MCTP2: variants seen among roughly 807,000 people sequenced by gnomAD.
The protein encoded by MCTP2 is multiple C2 and transmembrane domain-containing protein 2.
A neutral mutation model predicts 111.6 loss-of-function variants in MCTP2; 132 were observed. The observed-to-expected ratio is 1.18, with a 90% CI of 1.03 to 1.37. MCTP2 has a LOEUF of 1.37. Among genes scored for constraint, MCTP2 ranks in the 40% most tolerant of loss-of-function variants. The pLI is 0.00. For synonymous variants in MCTP2, 395 were observed against 387.7 expected (o/e 1.02, Z -0.22); for missense variants, 1,183 against 1,067.9 (o/e 1.11, Z -1.50).
intron 1 of MCTP2, among the ~76,000 whole-genome samples, chr15:94,288,361 C>G (rs892601862): frequency 1.6e-4 from 25 of 152,102 alleles, no homozygotes; most frequent in African/African-American, 5.6e-4. Flanking sequence ...TGGATCTGAT[C>G]CTTATTAGCG....
intron 4 of MCTP2, among the ~76,000 whole-genome samples, 190 bp downstream of exon 4, chr15:94,315,827 T>C (rs542410047): frequency 6.6e-6 from 1 of 152,336 alleles, no homozygotes; most frequent in East Asian, 1.9e-4. Context: ...ACTATCCTTC[T>C]TTATTATTAG....
At chr15:94,369,548 G>A (rs1319797496) in intron 11 of MCTP2, among the ~76,000 whole-genome samples, 1 of 152,258 alleles carries the variant, frequency 6.6e-6, no homozygotes, top group East Asian at 1.9e-4. Context: ...ATCTAGGGTG[G>A]TACTAGATAC....
chr15:94,246,159 A>T (rs1007568614), intron 1 of MCTP2, among the ~76,000 whole-genome samples: 3 of 152,102 alleles, frequency 2.0e-5, no homozygotes, highest in Non-Finnish European at 4.4e-5. Flanking sequence ...ACCCTTTGCA[A>T]TGCTACACAT....
intron 17 of MCTP2, among the ~76,000 whole-genome samples, chr15:94,413,543 A>G (rs182391937): frequency 9.5e-4 from 143 of 149,944 alleles, no homozygotes; most frequent in African/African-American, 3.2e-3. Context: ...CTTGGGTGTG[A>G]CATGGCTTGC....
rs1172894896 is a variant in MCTP2 at position 94,480,606 on chromosome 15, A to G, written c.*1572A>G. The stretch of plus-strand genomic sequence containing the variant: ...ACCTCTTTTGTTAAACCAGTTACTC[A>G]ATCTTCTGTGTAAACAATGCCTCAT... On this transcript the variant is annotated 3_prime_UTR_variant, in exon 23 of 23. Coordinates refer to ENST00000357742, the MANE Select transcript of MCTP2 (RefSeq NM_001385001.1). 6.6e-6 allele frequency: 1 copy of G among 152,236 alleles called. No individual in the cohort carries two copies. The highest frequency in any genetic ancestry group is 2.4e-5 in the African/African-American group (1 of 41,460). 9.4% of individuals were successfully genotyped at this position (152,236 alleles called of 1,614,324 possible).
intron 7 of MCTP2, among the ~76,000 whole-genome samples, chr15:94,344,635 T>C (rs1481860888): frequency 6.6e-6 from 1 of 152,228 alleles, no homozygotes; most frequent in Non-Finnish European, 1.5e-5. Context: ...AATTATGCAA[T>C]AATTATTCAT....
At chr15:94,343,470 C>T (rs2077776452) in intron 7 of MCTP2, 1 of 151,976 alleles carries the variant, frequency 6.6e-6, no homozygotes, top group Non-Finnish European at 1.5e-5. Context: ...GCCTTTGTTG[C>T]TTTAGAACCA....
chr15:94,302,769 G>A (rs987057905), intron 2 of MCTP2, among the ~76,000 whole-genome samples: 1 of 152,120 alleles, frequency 6.6e-6, no homozygotes, highest in African/African-American at 2.4e-5. Flanking sequence ...TACTTTCCCT[G>A]CTTTTCATGT....
chr15:94,415,324 C>T (rs780390541), intron 17 of MCTP2, among the ~76,000 whole-genome samples: 1 of 152,032 alleles, frequency 6.6e-6, no homozygotes, highest in Non-Finnish European at 1.5e-5. Flanking sequence ...GTAACCTAGA[C>T]GGTGTCAAAG....
At chr15:94,452,350 A>G (rs920284803) in intron 19 of MCTP2, among the ~76,000 whole-genome samples, 7 of 152,220 alleles carry the variant, frequency 4.6e-5, no homozygotes, top group Non-Finnish European at 8.8e-5. Context: ...TAGAGGTACA[A>G]TGCAAATTGA....
chr15:94,240,253 A>G (rs1011620564), intron 1 of MCTP2, among the ~76,000 whole-genome samples: 4 of 152,252 alleles, frequency 2.6e-5, no homozygotes, highest in African/African-American at 9.6e-5. Context: ...GATAGGAATC[A>G]TCTCCATTTT....
intron 14 of MCTP2, among the ~76,000 whole-genome samples, chr15:94,390,094 A>G (rs1215326091): frequency 0.015 from 176 of 12,006 alleles, 3 homozygotes; most frequent in African/African-American, 0.035. Flanking sequence ...ATATATGTAT[A>G]TATATATATA....
intron 1 of MCTP2, among the ~76,000 whole-genome samples, chr15:94,245,921 C>T (rs1245197051): frequency 6.6e-6 from 1 of 151,978 alleles, no homozygotes; most frequent in Non-Finnish European, 1.5e-5. Context: ...AAAAACTTGT[C>T]TCCCTGGAGT....
chr15:94,291,747 T>C (rs903322902), intron 1 of MCTP2, among the ~76,000 whole-genome samples: 4 of 152,216 alleles, frequency 2.6e-5, no homozygotes, highest in Non-Finnish European at 4.4e-5. Flanking sequence ...GCAGCTAATA[T>C]GTAGCCTTAA....
At position 94,365,673 on chromosome 15, in the gene MCTP2, G is replaced by A. The variant is rs180879342; in HGVS notation, c.1302-1932G>A. 1.7e-3 allele frequency among the ~76,000 whole-genome samples: 261 copies of A among 152,188 alleles called. 1 individual carries two copies. The highest frequency in any genetic ancestry group is 2.8e-3 in the Admixed American group (43 of 15,286). ...GAATTATCCAAGAAAAATTTTAGTA[G>A]CACTTACTTATATATTATTTTTAAC... On this transcript the variant is annotated intron_variant, in intron 10 of 22. Transcript: ENST00000357742.
chr15:94,433,040 GTTACATCC>G (rs796876045), intron 17 of MCTP2, among the ~76,000 whole-genome samples: 3 of 152,158 alleles, frequency 2.0e-5, no homozygotes, highest in African/African-American at 7.2e-5. Context: ...GTGACATGAG[GTTACATCC>G]TTCTCGTGTT....
chr15:94,390,064 A>ATATATATATG (rs2080798611), intron 14 of MCTP2, among the ~76,000 whole-genome samples: 1 of 17,358 alleles, frequency 5.8e-5, no homozygotes, highest in Non-Finnish European at 1.2e-4. Context: ...ATATATATAT[A>ATATATATATG]TATATATATA....
At chr15:94,353,237 A>G (rs1290157585) in intron 8 of MCTP2, among the ~76,000 whole-genome samples, 1 of 152,202 alleles carries the variant, frequency 6.6e-6, no homozygotes, top group Non-Finnish European at 1.5e-5. Context: ...TCCCAGGGAC[A>G]TTACAAGCAA....
At chr15:94,400,887 G>A (rs569191983) in intron 16 of MCTP2, among the ~76,000 whole-genome samples, 1 of 152,220 alleles carries the variant, frequency 6.6e-6, no homozygotes, top group South Asian at 2.1e-4. Context: ...TCTTCTGAGG[G>A]GAAGCCTCCA....
Sources: allele counts gnomAD v4.1 joint callset (sites outside exome capture counted in the v4.1 genomes callset), GRCh38; gene constraint gnomAD v4.1.1; transcripts MANE v1.5; gene names NCBI Gene and HGNC (gene_info 2026-07-23, HGNC 2026-07-21).